The following FER variants were observed in gnomAD, a reference collection of about 807,000 sequenced individuals.
FER encodes the protein FER tyrosine kinase, also known as tyrosine-protein kinase Fer.
A neutral mutation model predicts 111.0 loss-of-function variants in FER; 63 were observed. That is an observed-to-expected ratio of 0.57 (90% CI 0.46 to 0.70). The LOEUF is 0.70. Ranked by LOEUF, FER falls within the 30% of genes least tolerant of loss-of-function variation. The pLI is 0.00. For missense variants in FER, 914 were observed against 954.0 expected (o/e 0.96, Z 0.55); for synonymous variants, 327 against 313.9 (o/e 1.04, Z -0.44).
At position 108,835,197 on chromosome 5, in the gene FER, C is replaced by T. The variant is rs1449049591; in HGVS notation, c.382-511C>T. Among the ~76,000 whole-genome samples, 3 of 125,636 alleles carry T rather than the reference C, an allele frequency of 2.4e-5. 1 individual carries two copies. Among genetic ancestry groups the T allele is most frequent in the South Asian group, 2.9e-4 (1 of 3,444 alleles). The allele number at this position is 125,636 out of a possible 152,430, so 82.4% of individuals were successfully genotyped here. On this transcript the variant is annotated intron_variant, in intron 4 of 19. Transcript: ENST00000281092. Reference sequence around the variant, plus strand: ...TTCGTTTGCGCCACCCCCCCCCCCCCACTTTTTTTTTGAGTCAAGTTTCAG... The same window carrying T: ...TTCGTTTGCGCCACCCCCCCCCCCCTACTTTTTTTTTGAGTCAAGTTTCAG...
At chr5:109,027,542 A>G (rs1768927290) in intron 13 of FER, among the ~76,000 whole-genome samples, 1 of 152,026 alleles carries the variant, frequency 6.6e-6, no homozygotes, top group Non-Finnish European at 1.5e-5. Flanking sequence ...ACTTCTAATC[A>G]CTCTGACTTA....
chr5:108,878,610 G>A (rs1765332495), intron 8 of FER, among the ~76,000 whole-genome samples: 1 of 151,992 alleles, frequency 6.6e-6, no homozygotes, highest in Non-Finnish European at 1.5e-5. Context: ...TTCCATTGAT[G>A]GAGTTGGTGC....
intron 10 of FER, chr5:108,924,526 CA>C (rs1753480159): frequency 1.9e-6 from 2 of 1,045,846 alleles, no homozygotes; most frequent in African/African-American, 3.3e-5. Flanking sequence ...TCCATGCCAA[CA>C]GGGGGAGATA....
At chr5:108,835,629 T>C in intron 4 of FER, 79 bp from the exon 5 acceptor site, 2 of 882,466 alleles carry the variant, frequency 2.3e-6, no homozygotes, top group Non-Finnish European at 1.8e-6. Context: ...ACACATCAGT[T>C]AATACTTTGG....
intron 14 of FER, among the ~76,000 whole-genome samples, chr5:109,042,603 C>G (rs1057311095): frequency 1.3e-5 from 2 of 152,082 alleles, no homozygotes; most frequent in African/African-American, 4.8e-5. Context: ...CTAGTACATG[C>G]CAGTACCTCT....
At chr5:108,941,957 A>AC (rs1287437282) in intron 10 of FER, among the ~76,000 whole-genome samples, 4 of 152,166 alleles carry the variant, frequency 2.6e-5, no homozygotes, top group Non-Finnish European at 5.9e-5. Flanking sequence ...AAGGTTCTCA[A>AC]CTGTAACACA....
chr5:109,057,380 C>A (rs935344928), intron 16 of FER, among the ~76,000 whole-genome samples: 3 of 152,092 alleles, frequency 2.0e-5, no homozygotes, highest in African/African-American at 7.2e-5. Context: ...TGAACGTCTT[C>A]CCAGACTTAT....
At chr5:108,904,847 T>C (rs1339815258) in intron 10 of FER, among the ~76,000 whole-genome samples, 7 of 152,154 alleles carry the variant, frequency 4.6e-5, no homozygotes, top group Non-Finnish European at 1.5e-5. Context: ...GAGTAAATTT[T>C]TGCTTCCAGC....
rs1332093180 is a variant in FER, at chr5:108,844,108, ATG to A, written c.481+8308_481+8309del. 9.7e-5 allele frequency among the ~76,000 whole-genome samples: 9 copies of A among 92,618 alleles called. No individual in the cohort carries two copies. The East Asian group carries it at 1.7e-3, about 18-fold the overall frequency. 60.8% of individuals were successfully genotyped at this position (92,618 alleles called of 152,430 possible). A position where few individuals can be genotyped will look rare whatever the true frequency, so the allele number is the denominator to read the frequency against. On this transcript the variant is annotated intron_variant, in intron 5 of 19. Transcript: ENST00000281092. ...TGCGTGTGAACATATGTGTGTGAAC[ATG>A]TGTGTGAACACATATATGTGTGTGA...
In FER at chr5:109,186,270, T is replaced by G. The variant is rs200387943; in HGVS notation, c.2274T>G (p.Val758=). 1 of 1,614,092 alleles carries G rather than the reference T, an allele frequency of 6.2e-7. No individual in the cohort carries two copies. The highest frequency in any genetic ancestry group is 2.2e-5 in the East Asian group (1 of 44,864). Residue 758 remains valine, a synonymous_variant, in exon 19 of 20, where the codon GTT becomes GTG. Transcript: ENST00000281092. ...ILLWETFSLG[V]CPYPGMTNQQ... ...TCTGGGAGACCTTCAGCTTAGGGGTTTGTCCGTACCCTGGAATGACAAATC... is the reference window on the plus strand; with the variant it reads ...TCTGGGAGACCTTCAGCTTAGGGGTGTGTCCGTACCCTGGAATGACAAATC...
intron 16 of FER, among the ~76,000 whole-genome samples, chr5:109,070,254 G>A (rs564896950): frequency 2.6e-5 from 4 of 151,770 alleles, no homozygotes; most frequent in African/African-American, 9.7e-5. Context: ...TGTTTCACTT[G>A]GTCATATAAA....
rs1202875068 is a variant in FER at position 109,196,110 on chromosome 5, A to G, written c.*8535A>G. 1 of 152,250 alleles carries G rather than the reference A, an allele frequency of 6.6e-6. No individual in the cohort carries two copies. The highest frequency in any genetic ancestry group is 1.5e-5 in the Non-Finnish European group (1 of 68,048). The allele number at this position is 152,250 out of a possible 1,614,324, so 9.4% of individuals were successfully genotyped here. The stretch of plus-strand genomic sequence containing the variant: ...AGCAACAGCCCTGACTTCTTCAGGA[A>G]TCCAAGCAAATTGAAAGCCAAGACA... On this transcript the variant is annotated 3_prime_UTR_variant, in exon 20 of 20. Coordinates refer to ENST00000281092, the MANE Select transcript of FER (RefSeq NM_005246.4).
chr5:108,990,618 G>A (rs965127270), intron 13 of FER, among the ~76,000 whole-genome samples: 2 of 151,580 alleles, frequency 1.3e-5, no homozygotes, highest in African/African-American at 4.8e-5. Flanking sequence ...ATAAATATTT[G>A]GGAAGTATTA....
chr5:109,142,073 C>G (rs1214832177), intron 17 of FER, among the ~76,000 whole-genome samples: 1 of 152,004 alleles, frequency 6.6e-6, no homozygotes, highest in African/African-American at 2.4e-5. Context: ...TTATCAACTC[C>G]CTTCACATAG....
chr5:109,172,052 C>G (rs1561987997), intron 17 of FER, among the ~76,000 whole-genome samples: 1 of 152,136 alleles, frequency 6.6e-6, no homozygotes, highest in Non-Finnish European at 1.5e-5. Flanking sequence ...TAAACTAGTT[C>G]AACCATTGTG....
At chr5:108,969,609 A>ATTTTTTTTTTTTTTTTTT (rs1160968356) in intron 13 of FER, among the ~76,000 whole-genome samples, 4 of 148,870 alleles carry the variant, frequency 2.7e-5, no homozygotes, top group African/African-American at 1.0e-4. Flanking sequence ...TTACATTTTA[A>ATTTTTTTTTTTTTTTTTT]TTTTTTTGAA....
At chr5:109,084,885 A>G (rs1481249600) in intron 16 of FER, among the ~76,000 whole-genome samples, 1 of 151,850 alleles carries the variant, frequency 6.6e-6, no homozygotes, top group Non-Finnish European at 1.5e-5. Context: ...TTCGGTGTCT[A>G]TGTTATAAAT....
At chr5:108,791,385 A>G (rs924382857) in intron 2 of FER, among the ~76,000 whole-genome samples, 15 of 152,056 alleles carry the variant, frequency 9.9e-5, no homozygotes, top group Admixed American at 5.9e-4. Flanking sequence ...TTTTCCTGAT[A>G]TATTGAGCAT....
intron 3 of FER, among the ~76,000 whole-genome samples, chr5:108,805,753 G>T (rs576522389): frequency 6.6e-6 from 1 of 152,086 alleles, no homozygotes. Flanking sequence ...GATGATTTAG[G>T]GTATGTGCCA....
Sources: gnomAD v4.1 joint callset for allele counts (sites outside exome capture counted in the v4.1 genomes callset) on GRCh38, gnomAD v4.1.1 for gene constraint, MANE v1.5 for transcripts, NCBI Gene and HGNC (gene_info 2026-07-23, HGNC 2026-07-21) for gene names.